TMEM245: variants seen among roughly 807,000 people sequenced by gnomAD.
TMEM245 encodes protein CG-2.
TMEM245 carries 69 observed loss-of-function variants against 101.2 expected under a neutral mutation model. The observed-to-expected ratio is 0.68, with a 90% CI of 0.56 to 0.83. The LOEUF (loss-of-function observed/expected upper bound fraction) is 0.83, where lower values mean the gene tolerates loss of function less well. Ranked by LOEUF, TMEM245 falls within the 40% of genes least tolerant of loss-of-function variation. TMEM245 has a pLI of 0.00. For synonymous variants in TMEM245, 537 were observed against 449.8 expected, an observed-to-expected ratio of 1.19 and a Z score of -2.45; for missense variants, 1,075 against 1,092.8, an observed-to-expected ratio of 0.98 and a Z score of 0.23.
At chr9:109,059,973 T>C (rs1444676803) in intron 11 of TMEM245, among the ~76,000 whole-genome samples, 1 of 152,054 alleles carries the variant, frequency 6.6e-6, no homozygotes, top group East Asian at 1.9e-4. Flanking sequence ...AAAATAATAG[T>C]ATTTGGGGCA....
intron 3 of TMEM245, 86 bp from the exon 4 acceptor site, chr9:109,093,677 C>T (rs1219342717): frequency 6.3e-6 from 7 of 1,103,792 alleles, no homozygotes; most frequent in African/African-American, 1.6e-5. Flanking sequence ...TTTTCAACAA[C>T]AACAAAATAA....
chr9:109,018,498 C>T lies in TMEM245; in HGVS notation c.*1962G>A, dbSNP rs1043099103. On this transcript the variant is annotated 3_prime_UTR_variant, in exon 18 of 18. Transcript: ENST00000374586. ...ACTCAGTGGAATAGCTGATTATAAT[C>T]GCTAAAATATTCATAATAGAAATAA... The T allele has an allele frequency of 6.6e-6, 1 of 151,990 alleles. No individual in the cohort carries two copies. The highest frequency in any genetic ancestry group is 2.4e-5 in the African/African-American group (1 of 41,362). 9.4% of individuals were successfully genotyped at this position (151,990 alleles called of 1,614,324 possible). A position where few individuals can be genotyped will look rare whatever the true frequency, so the allele number is the denominator to read the frequency against.
chr9:109,027,748 C>T (rs1219827183), intron 17 of TMEM245, among the ~76,000 whole-genome samples: 1 of 152,050 alleles, frequency 6.6e-6, no homozygotes, highest in African/African-American at 2.4e-5. Flanking sequence ...TGCAATGGTG[C>T]AATCTCTGCT....
intron 7 of TMEM245, among the ~76,000 whole-genome samples, chr9:109,082,639 G>C (rs746650509): frequency 8.0e-6 from 1 of 125,424 alleles, no homozygotes; most frequent in Non-Finnish European, 1.7e-5. Context: ...TGAAAATAAT[G>C]TAGAGCCTCT....
intron 1 of TMEM245, among the ~76,000 whole-genome samples, chr9:109,116,812 G>A (rs1237213495): frequency 6.6e-6 from 1 of 152,112 alleles, no homozygotes; most frequent in Admixed American, 6.5e-5. Flanking sequence ...ACAGGCGTGG[G>A]CAACCCCACC....
chr9:109,099,010 A>C (rs903195130), intron 3 of TMEM245, among the ~76,000 whole-genome samples: 6 of 152,190 alleles, frequency 3.9e-5, no homozygotes, highest in Non-Finnish European at 7.4e-5. Flanking sequence ...AAATAAGGAG[A>C]TACTTCTTGA....
At chr9:109,037,919 T>C in intron 15 of TMEM245, 98 bp downstream of exon 15, 1 of 1,013,924 alleles carries the variant, frequency 9.9e-7, no homozygotes, top group South Asian at 1.9e-5. Context: ...AAAAATTTAG[T>C]TTTTTAAACT....
At chr9:109,061,002 CATT>C (rs1175626707) in intron 10 of TMEM245, among the ~76,000 whole-genome samples, 1 of 152,150 alleles carries the variant, frequency 6.6e-6, no homozygotes, top group Non-Finnish European at 1.5e-5. Flanking sequence ...GGAAGGCTAT[CATT>C]ATAAAATGTT....
intron 8 of TMEM245, 119 bp downstream of exon 8, chr9:109,080,720 T>C: frequency 4.7e-6 from 3 of 638,116 alleles, no homozygotes; most frequent in Non-Finnish European, 2.8e-6. Context: ...CCTTTAGCTA[T>C]TGTACATACT....
intron 11 of TMEM245, among the ~76,000 whole-genome samples, chr9:109,058,665 T>C (rs1213638560): frequency 6.6e-6 from 1 of 152,070 alleles, no homozygotes; most frequent in Non-Finnish European, 1.5e-5. Flanking sequence ...TGCACTGGAG[T>C]GCAATGGTGC....
intron 17 of TMEM245, among the ~76,000 whole-genome samples, chr9:109,026,735 G>T (rs1483921691): frequency 6.6e-6 from 1 of 151,534 alleles, no homozygotes; most frequent in Non-Finnish European, 1.5e-5. Flanking sequence ...GTGAGGCCTA[G>T]TGGGAGGTGT....
At chr9:109,077,923 A>G (rs1249480726) in intron 8 of TMEM245, among the ~76,000 whole-genome samples, 1 of 152,166 alleles carries the variant, frequency 6.6e-6, no homozygotes, top group Admixed American at 6.5e-5. Context: ...AAGTATTGTC[A>G]TGACCAGGGT....
At chr9:109,100,283 G>A (rs1036902323) in intron 3 of TMEM245, among the ~76,000 whole-genome samples, 3 of 152,186 alleles carry the variant, frequency 2.0e-5, no homozygotes, top group Admixed American at 6.6e-5. Context: ...GGGAAAGAAC[G>A]CTGGGCTTAG....
At position 109,108,411 on chromosome 9, in the gene TMEM245, G is replaced by T. The variant is rs776864393; in HGVS notation, c.697+42C>A. Reference sequence around the variant, plus strand: ...ACACAGTCAGCCTCTGCTGACCTTAGGCTAGACTTAAAAAAAAAAAAAAAA... The same window carrying T: ...ACACAGTCAGCCTCTGCTGACCTTATGCTAGACTTAAAAAAAAAAAAAAAA... On this transcript the variant is annotated intron_variant, in intron 2 of 17. Transcript: ENST00000374586. 1.0e-5 allele frequency: 12 copies of T among 1,199,580 alleles called. No individual in the cohort carries two copies. The South Asian group carries it at 1.5e-4, about 15-fold the overall frequency. The allele number at this position is 1,199,580 out of a possible 1,614,324, so 74.3% of individuals were successfully genotyped here.
At chr9:109,114,901 CT>C (rs1830672141) in intron 1 of TMEM245, among the ~76,000 whole-genome samples, 1 of 152,044 alleles carries the variant, frequency 6.6e-6, no homozygotes, top group African/African-American at 2.4e-5. Context: ...GTGCAATCTC[CT>C]AACATATTTG....
chr9:109,078,280 A>T (rs149763966), intron 8 of TMEM245, among the ~76,000 whole-genome samples: 15 of 152,232 alleles, frequency 9.9e-5, no homozygotes, highest in African/African-American at 3.6e-4. Flanking sequence ...ATTTTTCTTT[A>T]GTCATATTTG....
At chr9:109,049,965 A>T (rs1473639557) in intron 14 of TMEM245, among the ~76,000 whole-genome samples, 16 of 152,070 alleles carry the variant, frequency 1.1e-4, no homozygotes, top group Admixed American at 9.8e-4. Context: ...AATTTTTAAA[A>T]TTTTTTTATA....
rs377283807 is a variant in TMEM245 at position 109,111,325 on chromosome 9, AAAGT to A, written c.580-2759_580-2756del. Among the ~76,000 whole-genome samples the A allele has an allele frequency of 1.1e-3, 174 of 152,312 alleles. 3 individuals carry two copies. In the South Asian group the frequency reaches 0.026, roughly 23 times the overall value. On this transcript the variant is annotated intron_variant, in intron 1 of 17. Coordinates refer to ENST00000374586, the MANE Select transcript of TMEM245 (RefSeq NM_032012.4). Reference sequence around the variant, plus strand: ...TGAGCAAACGTTGAACAGAGATGACAAAGTAAGTACTACCCTTAGTAAGAAGCTG... The same window carrying A: ...TGAGCAAACGTTGAACAGAGATGACAAAGTACTACCCTTAGTAAGAAGCTG...
intron 3 of TMEM245, among the ~76,000 whole-genome samples, chr9:109,100,970 T>C (rs1211592272): frequency 1.3e-5 from 2 of 152,100 alleles, no homozygotes; most frequent in African/African-American, 2.4e-5. Flanking sequence ...AAGCAACCAC[T>C]GAAACTAACT....
Sources: allele counts gnomAD v4.1 joint callset (sites outside exome capture counted in the v4.1 genomes callset), GRCh38; gene constraint gnomAD v4.1.1; transcripts MANE v1.5; gene names NCBI Gene and HGNC (gene_info 2026-07-23, HGNC 2026-07-21).